Variants in CDH13 observed in about 807,000 individuals in gnomAD.
The protein encoded by CDH13 is cadherin-13.
Under a neutral mutation model 63.8 loss-of-function variants are expected in CDH13, and 24 were observed. The observed-to-expected ratio is 0.38, with a 90% CI of 0.27 to 0.53. The LOEUF is 0.53. CDH13 is among the 20% of genes least tolerant of loss of function. The pLI, the probability that CDH13 is intolerant of heterozygous loss-of-function variation, is 0.85. For synonymous variants in CDH13, 503 were observed against 355.3 expected (o/e 1.42, Z -4.67); for missense variants, 1,049 against 903.1 (o/e 1.16, Z -2.07).
rs113771063 is a variant in CDH13, at chr16:83,505,445, A to G, written c.960+18790A>G. ...ATAATGAATTCATGGGAAACAGCCTACATGTGAGCACCAAAGGGAACACAT... is the reference window on the plus strand; with the variant it reads ...ATAATGAATTCATGGGAAACAGCCTGCATGTGAGCACCAAAGGGAACACAT... On this transcript the variant is annotated intron_variant, in intron 7 of 13. Transcript: ENST00000567109. Among the ~76,000 whole-genome samples, 842 of 152,102 alleles carry G rather than the reference A, an allele frequency of 5.5e-3. 8 individuals carry two copies. Among genetic ancestry groups the G allele is most frequent in the African/African-American group, 0.019 (789 of 41,480 alleles).
At chr16:83,592,178 A>C (rs374096240) in intron 7 of CDH13, among the ~76,000 whole-genome samples, 2 of 152,304 alleles carry the variant, frequency 1.3e-5, no homozygotes. Context: ...CATCCCGCAC[A>C]ATGCCTAGCA....
At chr16:83,114,243 G>A (rs565512584) in intron 3 of CDH13, among the ~76,000 whole-genome samples, 29 of 152,188 alleles carry the variant, frequency 1.9e-4, no homozygotes, top group East Asian at 9.7e-4. Flanking sequence ...GAGATTGGCC[G>A]TCCCCAACGC....
intron 7 of CDH13, among the ~76,000 whole-genome samples, chr16:83,594,313 G>T (rs1907051883): frequency 6.6e-6 from 1 of 152,164 alleles, no homozygotes; most frequent in Admixed American, 6.5e-5. Flanking sequence ...TATCCTATAA[G>T]GATTATTCTC....
chr16:83,648,471 G>A (rs1413779600), intron 8 of CDH13, among the ~76,000 whole-genome samples: 1 of 152,068 alleles, frequency 6.6e-6, no homozygotes, highest in Non-Finnish European at 1.5e-5. Context: ...GGTGTCCATG[G>A]TTCCTGCCAC....
At chr16:82,905,857 C>A (rs536610443) in intron 2 of CDH13, among the ~76,000 whole-genome samples, 15 of 152,284 alleles carry the variant, frequency 9.9e-5, no homozygotes, top group Admixed American at 9.2e-4. Context: ...GCTTAGTAAC[C>A]ACACATGGCT....
Position 83,226,374 on chromosome 16 carries a change from AT to A in CDH13, c.636+8882del, listed in dbSNP as rs549076540. ...TCCTCACTCAGGGCTATGGAAACAT[AT>A]TTTTCTCTGAACTTCATTAGCACAA... On this transcript the variant is annotated intron_variant, in intron 5 of 13. Transcript: ENST00000567109. Among the ~76,000 whole-genome samples the A allele has an allele frequency of 4.7e-4, 71 of 152,162 alleles. 2 individuals carry two copies. In the South Asian group the frequency reaches 8.7e-3, roughly 19 times the overall value.
At chr16:83,754,065 G>A (rs780328539) in intron 11 of CDH13, among the ~76,000 whole-genome samples, 3 of 152,112 alleles carry the variant, frequency 2.0e-5, no homozygotes, top group Non-Finnish European at 2.9e-5. Flanking sequence ...ATCACAGGGA[G>A]CTTTTGTGAC....
At chr16:82,801,070 C>G (rs1230908377) in intron 1 of CDH13, among the ~76,000 whole-genome samples, 2 of 152,134 alleles carry the variant, frequency 1.3e-5, no homozygotes, top group East Asian at 3.9e-4. Context: ...TTCAAGTACT[C>G]TCAGGAGCTC....
intron 2 of CDH13, among the ~76,000 whole-genome samples, chr16:82,998,093 T>G (rs1912447934): frequency 6.6e-6 from 1 of 152,240 alleles, no homozygotes; most frequent in African/African-American, 2.4e-5. Context: ...ATTTTCTAGG[T>G]TGACATAATC....
intron 8 of CDH13, among the ~76,000 whole-genome samples, chr16:83,658,052 C>T (rs1157936923): frequency 2.2e-5 from 2 of 90,504 alleles, no homozygotes; most frequent in East Asian, 2.6e-4. Flanking sequence ...CAGCAAGGTC[C>T]CATATCCTCA....
chr16:82,693,274 A>G (rs1915810217), intron 1 of CDH13, among the ~76,000 whole-genome samples: 2 of 152,208 alleles, frequency 1.3e-5, no homozygotes, highest in Admixed American at 6.5e-5. Context: ...ATGGTTGAAT[A>G]AGTACCTCTT....
chr16:82,658,139 T>A (rs1911513270), intron 1 of CDH13, among the ~76,000 whole-genome samples: 1 of 152,222 alleles, frequency 6.6e-6, no homozygotes, highest in African/African-American at 2.4e-5. Context: ...GCCAAGTGCT[T>A]TTTCTGCATC....
chr16:83,164,060 C>T (rs1323677330), intron 4 of CDH13, among the ~76,000 whole-genome samples: 1 of 152,052 alleles, frequency 6.6e-6, no homozygotes, highest in African/African-American at 2.4e-5. Context: ...CTGTGTCTTA[C>T]CCAGCTGGTA....
intron 7 of CDH13, among the ~76,000 whole-genome samples, chr16:83,580,345 A>G (rs1905447077): frequency 6.6e-6 from 1 of 152,168 alleles, no homozygotes; most frequent in African/African-American, 2.4e-5. Flanking sequence ...TTAAGGAGGT[A>G]GAATTGATCA....
chr16:83,042,623 C>A (rs757899778), intron 3 of CDH13, among the ~76,000 whole-genome samples: 2 of 152,180 alleles, frequency 1.3e-5, no homozygotes, highest in Non-Finnish European at 2.9e-5. Context: ...CACCCTCAGT[C>A]CATGGAAAAA....
At chr16:82,838,330 G>T (rs1024093320) in intron 1 of CDH13, among the ~76,000 whole-genome samples, 4 of 152,144 alleles carry the variant, frequency 2.6e-5, no homozygotes, top group Admixed American at 2.0e-4. Flanking sequence ...CCTATTTATT[G>T]TGTTATCACT....
chr16:83,295,441 A>C (rs969783897), intron 5 of CDH13, among the ~76,000 whole-genome samples: 1 of 152,154 alleles, frequency 6.6e-6, no homozygotes, highest in Non-Finnish European at 1.5e-5. Flanking sequence ...AACCTATGGA[A>C]TTAAAAGAAA....
In CDH13 at chr16:83,047,926, T is replaced by C. The variant is rs1466360386; in HGVS notation, c.366+15708T>C. ...GAGACTATGTGTGACCAGCACAGGG[T>C]CATACATCTAGAATATTTTGGAGAC... On this transcript the variant is annotated intron_variant, in intron 3 of 13. Coordinates refer to ENST00000567109, the MANE Select transcript of CDH13 (RefSeq NM_001257.5). This position sits in a 1 kb window ranked among gnomAD's most constrained non-coding sequence, Gnocchi z 4.9. Among the ~76,000 whole-genome samples the C allele has an allele frequency of 1.3e-5, 2 of 152,166 alleles. No individual in the cohort carries two copies. The highest frequency in any genetic ancestry group is 4.8e-5 in the African/African-American group (2 of 41,440).
At chr16:83,608,522 C>T (rs896430949) in intron 8 of CDH13, among the ~76,000 whole-genome samples, 1 of 152,086 alleles carries the variant, frequency 6.6e-6, no homozygotes, top group African/African-American at 2.4e-5. Flanking sequence ...TTCTGTCACC[C>T]AGGCTGGAGT....
Sources: allele counts gnomAD v4.1 joint callset (sites outside exome capture counted in the v4.1 genomes callset), GRCh38; gene constraint gnomAD v4.1.1; non-coding constraint Gnocchi (gnomAD v3.1); transcripts MANE v1.5; gene names NCBI Gene and HGNC (gene_info 2026-07-23, HGNC 2026-07-21).